Variants in UBE2QL1 observed in about 807,000 individuals in gnomAD.
UBE2QL1 encodes the protein ubiquitin conjugating enzyme E2 QL1, also known as ubiquitin-conjugating enzyme E2Q-like protein 1.
Under a neutral mutation model 12.6 loss-of-function variants are expected in UBE2QL1, and 5 were observed. The ratio of observed to expected loss-of-function variants is 0.40; its 90% CI spans 0.21 to 0.83. The LOEUF (loss-of-function observed/expected upper bound fraction) is 0.83, where lower values mean the gene tolerates loss of function less well. UBE2QL1 is among the 40% of genes least tolerant of loss of function. The pLI, the probability that UBE2QL1 is intolerant of heterozygous loss-of-function variation, is 0.37. For synonymous variants in UBE2QL1, 96 were observed against 94.5 expected (o/e 1.02, Z -0.10); for missense variants, 99 against 222.6 (o/e 0.44, Z 3.53).
At chr5:6,460,937 T>A (rs1405400955) in intron 1 of UBE2QL1, among the ~76,000 whole-genome samples, 1 of 152,216 alleles carries the variant, frequency 6.6e-6, no homozygotes, top group Admixed American at 6.5e-5. Context: ...ATAAATCAAA[T>A]TTTAAAATTT....
At chr5:6,475,497 A>G (rs1475099844) in intron 1 of UBE2QL1, among the ~76,000 whole-genome samples, 1 of 152,124 alleles carries the variant, frequency 6.6e-6, no homozygotes, top group Non-Finnish European at 1.5e-5. Context: ...GGTTTCATTT[A>G]CATCACCTGT....
intron 1 of UBE2QL1, among the ~76,000 whole-genome samples, chr5:6,467,086 T>C (rs1256862809): frequency 6.6e-6 from 1 of 152,164 alleles, no homozygotes; most frequent in African/African-American, 2.4e-5. Flanking sequence ...TTTTATTTCA[T>C]TGTAGTCCTT....
At chr5:6,469,034 G>A (rs539932822) in intron 1 of UBE2QL1, among the ~76,000 whole-genome samples, 14 of 152,320 alleles carry the variant, frequency 9.2e-5, no homozygotes, top group African/African-American at 2.6e-4. Flanking sequence ...CCAGCCCGCC[G>A]CCTCTGCATC....
rs531208550 is a variant in UBE2QL1 at position 6,451,978 on chromosome 5, G to A, written c.354+2731G>A. ...GATAATTACTTTAAAAGGGAGAGTC[G>A]TTATATTCTAGTTATGTTCTGATAC... On this transcript the variant is annotated intron_variant, in intron 1 of 1. Transcript: ENST00000399816. Among the ~76,000 whole-genome samples, 286 of 152,226 alleles carry A rather than the reference G, an allele frequency of 1.9e-3. 3 individuals are homozygous for A. Among genetic ancestry groups the A allele is most frequent in the African/African-American group, 6.4e-3 (265 of 41,542 alleles).
chr5:6,458,668 A>G (rs1705276070), intron 1 of UBE2QL1, among the ~76,000 whole-genome samples: 1 of 152,200 alleles, frequency 6.6e-6, no homozygotes, highest in Non-Finnish European at 1.5e-5. Flanking sequence ...TGCTGCTAGG[A>G]TTAATTTGTG....
chr5:6,455,388 C>G (rs1380011805), intron 1 of UBE2QL1, among the ~76,000 whole-genome samples: 5 of 152,134 alleles, frequency 3.3e-5, no homozygotes, highest in Admixed American at 2.6e-4. Flanking sequence ...GTTCAGGAAA[C>G]AAAACAGACA....
rs1420757598 is a variant in UBE2QL1 at position 6,479,678 on chromosome 5, GAGTA to G, written c.355-11536_355-11533del. Among the ~76,000 whole-genome samples the G allele has an allele frequency of 2.0e-5, 3 of 152,208 alleles. No homozygotes were observed. Among genetic ancestry groups the G allele is most frequent in the East Asian group, 1.9e-4 (1 of 5,200 alleles). On this transcript the variant is annotated intron_variant, in intron 1 of 1. Transcript: ENST00000399816. This position sits in a 1 kb window ranked among gnomAD's most constrained non-coding sequence, Gnocchi z 4.2. ...ACAGACCGGGGGTCTCCTTTGTGCTGAGTAAGTGTTTCGGCCTTGAGAGTGGAGT... is the reference window on the plus strand; with the variant it reads ...ACAGACCGGGGGTCTCCTTTGTGCTGAGTGTTTCGGCCTTGAGAGTGGAGT...
intron 1 of UBE2QL1, among the ~76,000 whole-genome samples, chr5:6,455,472 T>TG (rs1174903926): frequency 1.3e-5 from 2 of 152,134 alleles, no homozygotes; most frequent in Admixed American, 1.3e-4. Flanking sequence ...GATGTGTTGA[T>TG]GTAGTCGGGA....
intron 1 of UBE2QL1, among the ~76,000 whole-genome samples, chr5:6,490,536 G>A (rs919804305): frequency 2.0e-5 from 3 of 152,156 alleles, no homozygotes; most frequent in African/African-American, 7.2e-5. Context: ...GTGTGACAAA[G>A]CACCTGCCCT....
chr5:6,467,658 G>A (rs927842313), intron 1 of UBE2QL1, among the ~76,000 whole-genome samples: 11 of 7,254 alleles, frequency 1.5e-3, no homozygotes, highest in East Asian at 0.5. Flanking sequence ...TTCCAAGCAC[G>A]TATGAGTTTG....
intron 1 of UBE2QL1, 74 bp from the exon 2 acceptor site, chr5:6,491,144 G>A: frequency 6.9e-7 from 1 of 1,444,622 alleles, no homozygotes; most frequent in East Asian, 2.5e-5. Context: ...GACTCTGTGT[G>A]TTTTTAATAA....
chr5:6,469,031 G>T (rs540805879), intron 1 of UBE2QL1, among the ~76,000 whole-genome samples: 2 of 152,180 alleles, frequency 1.3e-5, no homozygotes, highest in Non-Finnish European at 2.9e-5. Context: ...CAACCAGCCC[G>T]CCGCCTCTGC....
intron 1 of UBE2QL1, among the ~76,000 whole-genome samples, chr5:6,473,924 A>G (rs1193529899): frequency 6.6e-6 from 1 of 152,204 alleles, no homozygotes; most frequent in East Asian, 1.9e-4. Flanking sequence ...TACTAGGAAA[A>G]GGGCAGTTTT....
At chr5:6,462,911 T>C (rs1356859390) in intron 1 of UBE2QL1, among the ~76,000 whole-genome samples, 3 of 152,214 alleles carry the variant, frequency 2.0e-5, no homozygotes, top group Non-Finnish European at 4.4e-5. Flanking sequence ...ACAAAAATAA[T>C]AGTGTGCAAT....
chr5:6,455,138 G>C (rs1206208416), intron 1 of UBE2QL1, among the ~76,000 whole-genome samples: 2 of 152,158 alleles, frequency 1.3e-5, no homozygotes, highest in Non-Finnish European at 2.9e-5. Flanking sequence ...TCCCTTAAGC[G>C]ATGGGGGAGA....
chr5:6,485,962 A>G (rs1734460563), intron 1 of UBE2QL1, among the ~76,000 whole-genome samples: 3 of 152,240 alleles, frequency 2.0e-5, no homozygotes, highest in Admixed American at 6.5e-5. Flanking sequence ...TAAAATCTAC[A>G]TGAAAAGACA....
In UBE2QL1 at chr5:6,481,715, G is replaced by A. The variant is rs1159358861; in HGVS notation, c.355-9503G>A. On this transcript the variant is annotated intron_variant, in intron 1 of 1. Transcript: ENST00000399816. This position sits in a 1 kb window ranked among gnomAD's most constrained non-coding sequence, Gnocchi z 4.5. ...CCACATGACCTTAGTTGGACTCACT[G>A]AGTGGCCTCTGCCAGGCCCTCGCCA... 6.6e-6 allele frequency among the ~76,000 whole-genome samples: 1 copy of A among 152,188 alleles called. No homozygotes were observed. Among genetic ancestry groups the A allele is most frequent in the Non-Finnish European group, 1.5e-5 (1 of 68,042 alleles).
At chr5:6,489,590 A>G (rs998491473) in intron 1 of UBE2QL1, among the ~76,000 whole-genome samples, 2 of 152,194 alleles carry the variant, frequency 1.3e-5, no homozygotes, top group African/African-American at 4.8e-5. Flanking sequence ...TCCACTGTTG[A>G]AAAGACAATT....
chr5:6,474,838 T>C (rs1486616781), intron 1 of UBE2QL1, among the ~76,000 whole-genome samples: 1 of 152,124 alleles, frequency 6.6e-6, no homozygotes, highest in Non-Finnish European at 1.5e-5. Flanking sequence ...TTGAGCACAG[T>C]CTCCAGAACC....
Sources: gnomAD v4.1 joint callset for allele counts (sites outside exome capture counted in the v4.1 genomes callset) on GRCh38, gnomAD v4.1.1 for gene constraint, Gnocchi (gnomAD v3.1) non-coding constraint, MANE v1.5 for transcripts, NCBI Gene and HGNC (gene_info 2026-07-23, HGNC 2026-07-21) for gene names.